The following ALOX5 variants were observed in gnomAD, a reference collection of about 807,000 sequenced individuals.
ALOX5 encodes the protein polyunsaturated fatty acid 5-lipoxygenase.
A neutral mutation model predicts 87.9 loss-of-function variants in ALOX5; 64 were observed. The ratio of observed to expected loss-of-function variants is 0.73; its 90% confidence interval spans 0.60 to 0.90. The LOEUF is 0.90. Ranked by LOEUF, ALOX5 falls within the 40% of genes least tolerant of loss-of-function variation. ALOX5 has a pLI of 0.00. For missense variants in ALOX5, 822 were observed against 907.5 expected, an observed-to-expected ratio of 0.91 and a Z score of 1.21; for synonymous variants, 388 against 355.1, an observed-to-expected ratio of 1.09 and a Z score of -1.04.
intron 4 of ALOX5, among the ~76,000 whole-genome samples, chr10:45,419,554 C>T (rs930577349): frequency 1.3e-5 from 2 of 152,236 alleles, no homozygotes; most frequent in Non-Finnish European, 2.9e-5. Context: ...CCAGACGACC[C>T]AGCTACATGG....
intron 4 of ALOX5, among the ~76,000 whole-genome samples, chr10:45,422,628 A>G (rs7090328): frequency 0.77 from 117,730 of 152,172 alleles, 46,091 homozygotes; most frequent in African/African-American, 0.87. Flanking sequence ...ATAGGGCAGC[A>G]GGCATAGATT....
At chr10:45,396,312 A>C (rs922454047) in intron 3 of ALOX5, among the ~76,000 whole-genome samples, 1 of 151,898 alleles carries the variant, frequency 6.6e-6, no homozygotes, top group African/African-American at 2.4e-5. Flanking sequence ...TCTTCAGCCA[A>C]CTGACCAGAG....
intron 4 of ALOX5, among the ~76,000 whole-genome samples, chr10:45,420,611 C>A (rs1589028321): frequency 1.3e-5 from 2 of 152,242 alleles, no homozygotes; most frequent in African/African-American, 4.8e-5. Context: ...ACCGAGGAGG[C>A]CTTCCCCGTT....
intron 4 of ALOX5, among the ~76,000 whole-genome samples, chr10:45,422,951 C>A (rs1332292785): frequency 6.6e-6 from 1 of 152,166 alleles, no homozygotes; most frequent in Non-Finnish European, 1.5e-5. Flanking sequence ...GAGAGGGGGA[C>A]AGGGCATGAA....
intron 2 of ALOX5, among the ~76,000 whole-genome samples, chr10:45,391,758 G>A (rs898269101): frequency 3.7e-4 from 56 of 151,952 alleles, no homozygotes; most frequent in African/African-American, 1.2e-3. Flanking sequence ...CCCTGTCTGG[G>A]AGGTGAGGAG....
intron 2 of ALOX5, among the ~76,000 whole-genome samples, chr10:45,391,534 G>C (rs1329030682): frequency 6.6e-6 from 1 of 152,076 alleles, no homozygotes; most frequent in Non-Finnish European, 1.5e-5. Flanking sequence ...GAAGTGAGGA[G>C]CGTCTCTGCC....
intron 6 of ALOX5, among the ~76,000 whole-genome samples, chr10:45,427,943 G>C (rs1292140033): frequency 5.3e-5 from 8 of 152,054 alleles, no homozygotes. Flanking sequence ...CTCAGACCAG[G>C]GCACAACACG....
chr10:45,374,498 G>C, intron 1 of ALOX5, 69 bp downstream of exon 1: 5 of 1,360,204 alleles, frequency 3.7e-6, no homozygotes, highest in Non-Finnish European at 4.8e-6. Flanking sequence ...GGACGGCAGA[G>C]GCCTGGGCGG....
At chr10:45,441,661 C>T (rs1362235222) in intron 9 of ALOX5, 4 of 496,522 alleles carry the variant, frequency 8.1e-6, no homozygotes, top group Non-Finnish European at 1.4e-5. Flanking sequence ...CTCCTGGTCC[C>T]CTCCTCCCAC....
chr10:45,414,065 T>C (rs1841173095), intron 4 of ALOX5, among the ~76,000 whole-genome samples: 1 of 152,214 alleles, frequency 6.6e-6, no homozygotes, highest in Admixed American at 6.5e-5. Context: ...AATGACTTTC[T>C]GCACAGAATT....
At chr10:45,374,721 G>A (rs1839529255) in intron 1 of ALOX5, among the ~76,000 whole-genome samples, 1 of 152,226 alleles carries the variant, frequency 6.6e-6, no homozygotes, top group South Asian at 2.1e-4. Context: ...TTCCCTGGGA[G>A]GAGAAGGCCC....
intron 7 of ALOX5, 35 bp downstream of exon 7, chr10:45,428,799 T>G: frequency 6.2e-7 from 1 of 1,611,264 alleles, no homozygotes. Flanking sequence ...TCTGAGCAGC[T>G]CAGTCCTCTG....
chr10:45,379,793 T>C (rs912740983), intron 1 of ALOX5, among the ~76,000 whole-genome samples: 3 of 152,150 alleles, frequency 2.0e-5, no homozygotes, highest in African/African-American at 7.2e-5. Context: ...AAGAAACAGC[T>C]TCAGAGAATG....
At chr10:45,435,556 A>G (rs1842038360) in intron 7 of ALOX5, among the ~76,000 whole-genome samples, 1 of 152,210 alleles carries the variant, frequency 6.6e-6, no homozygotes, top group South Asian at 2.1e-4. Flanking sequence ...ACTTAAGATT[A>G]TGGCTTAAGT....
intron 3 of ALOX5, among the ~76,000 whole-genome samples, chr10:45,405,046 T>A (rs1840828339): frequency 6.6e-6 from 1 of 152,220 alleles, no homozygotes; most frequent in Non-Finnish European, 1.5e-5. Flanking sequence ...ACTTAGCCAT[T>A]CCCCTATTCA....
rs12254985 is a variant in ALOX5 at position 45,415,099 on chromosome 10, G to T, written c.554+2786G>T. Among the ~76,000 whole-genome samples, 1,513 of 152,228 alleles carry T rather than the reference G, an allele frequency of 9.9e-3. 22 individuals carry two copies. Among genetic ancestry groups the T allele is most frequent in the African/African-American group, 0.035 (1,452 of 41,508 alleles). ...CCCATTATCGGGTATATACCCAAAG[G>T]ATTATAAATCATGCTGCTATAAAGA... On this transcript the variant is annotated intron_variant, in intron 4 of 13. Coordinates refer to ENST00000374391, the MANE Select transcript of ALOX5 (RefSeq NM_000698.5).
rs1351875101 is a variant in ALOX5 at position 45,374,427 on chromosome 10, G to A, written c.148G>A (p.Ala50Thr). The A allele has an allele frequency of 6.5e-7, 1 of 1,548,532 alleles. No homozygotes were observed. Among genetic ancestry groups the A allele is most frequent in the Non-Finnish European group, 8.7e-7 (1 of 1,153,252 alleles). The change falls in exon 1 of 14, where the codon GCG becomes ACG. Residue 50 changes from alanine to threonine, a missense_variant and splice_region_variant. Ala to Thr is a moderately conservative substitution (Grantham distance 58). Coordinates refer to ENST00000374391, the MANE Select transcript of ALOX5 (RefSeq NM_000698.5). The stretch of plus-strand genomic sequence containing the variant: ...CTTCTACAACGACTTCGAGCGTGGC[G>A]CGGTGAGCGCGGGCGGGGCACGGGT... ...KPFYNDFERG[A>T]VDSYDVTVDE...
rs900874474 is a variant in ALOX5, at chr10:45,444,049, G to A, written c.1675-67G>A. 4.1e-6 allele frequency: 6 copies of A among 1,478,148 alleles called. No homozygotes were observed. The African/African-American group carries it at 8.4e-5, about 21-fold the overall frequency. 91.6% of individuals were successfully genotyped at this position (1,478,148 alleles called of 1,614,324 possible). A position where few individuals can be genotyped will look rare whatever the true frequency, so the allele number is the denominator to read the frequency against. ...GAGTTGGGGGGCACGGGGAGGACGG[G>A]GCCCAGGGGGCAGCTGGGCAGCAGG... On this transcript the variant is annotated intron_variant, in intron 12 of 13. Coordinates refer to ENST00000374391, the MANE Select transcript of ALOX5 (RefSeq NM_000698.5).
intron 7 of ALOX5, among the ~76,000 whole-genome samples, chr10:45,436,918 C>T (rs961257267): frequency 2.0e-5 from 3 of 152,140 alleles, no homozygotes; most frequent in African/African-American, 7.2e-5. Flanking sequence ...ATAGTTCTCT[C>T]TGTAGAGCTC....
Sources: allele counts gnomAD v4.1 joint callset (sites outside exome capture counted in the v4.1 genomes callset), GRCh38; gene constraint gnomAD v4.1.1; transcripts MANE v1.5; gene names NCBI Gene and HGNC (gene_info 2026-07-23, HGNC 2026-07-21).